Variants in RAD51 observed in about 807,000 individuals in gnomAD.
RAD51 encodes the protein DNA repair protein RAD51 homolog 1.
A neutral mutation model predicts 41.5 loss-of-function variants in RAD51; 14 were observed. The observed-to-expected ratio is 0.34, with a 90% confidence interval of 0.22 to 0.53. The LOEUF (loss-of-function observed/expected upper bound fraction) is 0.53. RAD51 is among the 20% of genes least tolerant of loss of function. RAD51 has a pLI of 0.95. For synonymous variants in RAD51, 136 were observed against 148.6 expected (o/e 0.92, Z 0.62); for missense variants, 234 against 422.0 (o/e 0.55, Z 3.90).
At chr15:40,719,011 G>A in intron 6 of RAD51, 112 bp downstream of exon 6, 1 of 938,352 alleles carries the variant, frequency 1.1e-6, no homozygotes, top group Admixed American at 2.0e-5. Context: ...TCCCAAAGTT[G>A]TATGTGTGGT....
At chr15:40,728,866 C>G in intron 7 of RAD51, 42 bp downstream of exon 7, 2 of 1,510,868 alleles carry the variant, frequency 1.3e-6, no homozygotes, top group Middle Eastern at 1.7e-4. Flanking sequence ...TCTTAAGAGT[C>G]CTTCCCTGAA....
At chr15:40,722,831 G>T (rs1277646093) in intron 6 of RAD51, among the ~76,000 whole-genome samples, 1 of 152,046 alleles carries the variant, frequency 6.6e-6, no homozygotes, top group Admixed American at 6.6e-5. Flanking sequence ...GTCCATGAAA[G>T]AATAAATTGA....
At chr15:40,715,252 A>T (rs1403706819) in intron 5 of RAD51, among the ~76,000 whole-genome samples, 1 of 152,204 alleles carries the variant, frequency 6.6e-6, no homozygotes, top group Non-Finnish European at 1.5e-5. Context: ...GCTACTTGGG[A>T]GGCTGAGGCA....
chr15:40,698,357 A>G (rs925005068), intron 1 of RAD51, among the ~76,000 whole-genome samples: 2 of 151,168 alleles, frequency 1.3e-5, no homozygotes, highest in Non-Finnish European at 3.0e-5. Context: ...CCCTGCTAAT[A>G]TTTGTATTTT....
chr15:40,730,204 C>T (rs894220725), intron 9 of RAD51, among the ~76,000 whole-genome samples: 2 of 152,142 alleles, frequency 1.3e-5, no homozygotes, highest in African/African-American at 4.8e-5. Flanking sequence ...ATATGCCTCT[C>T]CCCTGTTATT....
chr15:40,714,201 A>T (rs1895872002), intron 5 of RAD51, among the ~76,000 whole-genome samples: 1 of 152,000 alleles, frequency 6.6e-6, no homozygotes. Context: ...TTTTATGATA[A>T]TAAGGGAGGA....
chr15:40,720,980 G>A (rs1472582901), intron 6 of RAD51, among the ~76,000 whole-genome samples: 2 of 152,150 alleles, frequency 1.3e-5, no homozygotes, highest in Non-Finnish European at 2.9e-5. Flanking sequence ...TCAGGAGTTC[G>A]AGACCAGTCT....
chr15:40,706,439 G>A (rs1895343674), intron 4 of RAD51, 145 bp downstream of exon 4: 2 of 750,474 alleles, frequency 2.7e-6, no homozygotes, highest in East Asian at 2.7e-5. Flanking sequence ...GCTTATGCCT[G>A]TAATCTCAGC....
At chr15:40,726,285 C>T (rs1896579381) in intron 6 of RAD51, among the ~76,000 whole-genome samples, 1 of 149,792 alleles carries the variant, frequency 6.7e-6, no homozygotes, top group South Asian at 2.1e-4. Flanking sequence ...CTCTTGTCTC[C>T]CAGGCTGCCA....
intron 6 of RAD51, among the ~76,000 whole-genome samples, chr15:40,724,271 C>A (rs976228325): frequency 6.6e-6 from 1 of 152,166 alleles, no homozygotes; most frequent in African/African-American, 2.4e-5. Context: ...TTTTGGCAAT[C>A]ATGTACAGCA....
intron 6 of RAD51, 36 bp from the exon 7 acceptor site, chr15:40,728,675 G>C (rs533268985): frequency 6.4e-7 from 1 of 1,555,448 alleles, no homozygotes; most frequent in East Asian, 2.2e-5. Flanking sequence ...CCTGAGTTCT[G>C]TGTGCAGCCT....
intron 5 of RAD51, among the ~76,000 whole-genome samples, chr15:40,713,962 A>C (rs1225129733): frequency 6.7e-6 from 1 of 149,470 alleles, no homozygotes; most frequent in Non-Finnish European, 1.5e-5. Flanking sequence ...GAGTAGACCT[A>C]ATCCATTGTT....
intron 2 of RAD51, among the ~76,000 whole-genome samples, chr15:40,699,540 C>T (rs1200980093): frequency 2.0e-5 from 3 of 152,216 alleles, no homozygotes; most frequent in Non-Finnish European, 2.9e-5. Flanking sequence ...CCTGCCTTGG[C>T]GTCCCAAACT....
intron 5 of RAD51, among the ~76,000 whole-genome samples, chr15:40,711,033 T>C (rs1218748948): frequency 6.6e-6 from 1 of 152,202 alleles, no homozygotes; most frequent in Admixed American, 6.5e-5. Flanking sequence ...GGTTAAATAA[T>C]TGCCCAATAC....
chr15:40,698,378 G>A (rs1408697809), intron 1 of RAD51, among the ~76,000 whole-genome samples: 2 of 151,766 alleles, frequency 1.3e-5, no homozygotes, highest in African/African-American at 4.8e-5. Flanking sequence ...TAGTAGGGAC[G>A]GGGTTTCGCA....
chr15:40,730,208 T>G (rs1896796324), intron 9 of RAD51, among the ~76,000 whole-genome samples: 1 of 152,132 alleles, frequency 6.6e-6, no homozygotes, highest in Non-Finnish European at 1.5e-5. Context: ...GCCTCTCCCC[T>G]GTTATTTAAA....
In RAD51 at chr15:40,701,064, C is replaced by T. The variant is rs1894955834; in HGVS notation, c.88C>T (p.Gln30Ter). The T allele has an allele frequency of 6.2e-7, 1 of 1,614,034 alleles. No homozygotes were observed. The highest frequency in any genetic ancestry group is 1.7e-5 in the Admixed American group (1 of 59,994). The change falls in exon 3 of 10, where the codon CAG (glutamine) becomes TAG (stop). Residue 30 changes from glutamine (Q) to a stop codon, truncating the protein, a stop_gained and splice_region_variant. Transcript: ENST00000267868. LOFTEE classifies it high-confidence loss of function. ...FGPQPISRLE[Q>*]CGINANDVKK... ...TATCCATGGTTTTCTTCATTTGCAG[C>T]AGTGTGGCATAAATGCCAACGATGT...
chr15:40,727,014 T>G (rs1164420810), intron 6 of RAD51, among the ~76,000 whole-genome samples: 2 of 151,930 alleles, frequency 1.3e-5, no homozygotes, highest in Non-Finnish European at 2.9e-5. Flanking sequence ...GTTCCCATAG[T>G]TTTTTTTGTG....
chr15:40,719,024 AAAAGAATGACTTCC>A, intron 6 of RAD51, 125 bp downstream of exon 6: 1 of 860,434 alleles, frequency 1.2e-6, no homozygotes, highest in South Asian at 1.4e-5. Context: ...TGTGTGGTTC[AAAAGAATGACTTCC>A]TTAGTAGAAA....
Sources: gnomAD v4.1 joint callset for allele counts (sites outside exome capture counted in the v4.1 genomes callset) on GRCh38, gnomAD v4.1.1 for gene constraint, MANE v1.5 for transcripts, NCBI Gene and HGNC (gene_info 2026-07-23, HGNC 2026-07-21) for gene names.